Variants in DDX20 observed in about 807,000 individuals in gnomAD.
DDX20 encodes DEAD-box helicase 20, also known as probable ATP-dependent RNA helicase DDX20.
A neutral mutation model predicts 76.4 loss-of-function variants in DDX20; 61 were observed. The observed-to-expected ratio is 0.80, with a 90% confidence interval of 0.65 to 0.99. The LOEUF is 0.99. DDX20 is among the 50% of genes least tolerant of loss of function. DDX20 has a pLI of 0.00. For synonymous variants in DDX20, 357 were observed against 357.4 expected (o/e 1.00, Z 0.01); for missense variants, 976 against 996.8 (o/e 0.98, Z 0.28).
chr1:111,758,321 C>T (rs929338097), intron 2 of DDX20, among the ~76,000 whole-genome samples: 2 of 148,076 alleles, frequency 1.4e-5, no homozygotes, highest in African/African-American at 5.0e-5. Context: ...AGAGAAACTG[C>T]TATTAACAGT....
At chr1:111,756,375 G>T (rs766952008) in intron 1 of DDX20, 150 bp downstream of exon 1, 16 of 854,926 alleles carry the variant, frequency 1.9e-5, no homozygotes, top group Non-Finnish European at 2.7e-5. Flanking sequence ...GCTACGCTCA[G>T]TTAACTTATT....
At chr1:111,759,943 C>T (rs1400453827) in intron 3 of DDX20, among the ~76,000 whole-genome samples, 1 of 136,488 alleles carries the variant, frequency 7.3e-6, no homozygotes. Context: ...CACTGCACTC[C>T]AGCCTGGGTG....
At position 111,761,133 on chromosome 1, in the gene DDX20, A is replaced by G; in HGVS notation, c.962+8A>G. ...TTCTAATTTGCACAGCAGGTAATGT[A>G]ACTTAAAAGGTCATCTGGGGAACTT... On this transcript the variant is annotated splice_region_variant and intron_variant, in intron 6 of 10. Transcript: ENST00000369702. 6.2e-7 allele frequency: 1 copy of G among 1,612,820 alleles called. No individual in the cohort carries two copies. The highest frequency in any genetic ancestry group is 2.2e-5 in the East Asian group (1 of 44,818).
chr1:111,763,633 C>T (rs1174553247), intron 10 of DDX20, among the ~76,000 whole-genome samples: 2 of 151,454 alleles, frequency 1.3e-5, no homozygotes, highest in Admixed American at 6.6e-5. Flanking sequence ...TAGTTAGTGG[C>T]TTTGCAATTT....
At position 111,756,072 on chromosome 1, in the gene DDX20, C is replaced by T. The variant is rs769569522; in HGVS notation, c.148C>T (p.Arg50Trp). ...GACCGCTCAGGATCTCAGCAGCCCG[C>T]GGACCCGCACGGGGGATGTGCTGTT... ...LRTAQDLSSP[R>W]TRTGDVLLAE... Residue 50 changes from arginine (R) to tryptophan (W), a missense_variant, in exon 1 of 11, where the codon CGG (arginine) becomes TGG (tryptophan). This residue lies in a region of DDX20 where 343 missense variants were observed against 286.4 expected (regional missense o/e 1.20). Transcript: ENST00000369702. 3.7e-6 allele frequency: 6 copies of T among 1,606,346 alleles called. No individual in the cohort carries two copies. The African/African-American group carries it at 6.7e-5, about 18-fold the overall frequency.
At chr1:111,757,064 T>G (rs1399225347) in intron 2 of DDX20, among the ~76,000 whole-genome samples, 1 of 151,936 alleles carries the variant, frequency 6.6e-6, no homozygotes, top group African/African-American at 2.4e-5. Context: ...AGAGTTTGTT[T>G]TTTTTTTTTG....
intron 8 of DDX20, 141 bp from the exon 9 acceptor site, chr1:111,762,536 G>C (rs1438721482): frequency 8.2e-6 from 7 of 854,018 alleles, no homozygotes; most frequent in African/African-American, 5.1e-5. Flanking sequence ...TTAGTCATTA[G>C]GAATGAATTT....
Position 111,765,985 on chromosome 1 carries a change from C to T in DDX20, c.1561C>T (p.His521Tyr). 6.2e-7 allele frequency: 1 copy of T among 1,613,948 alleles called. No individual in the cohort carries two copies. Among genetic ancestry groups the T allele is most frequent in the South Asian group, 1.1e-5 (1 of 91,040 alleles). The change falls in exon 11 of 11, where the codon CAC (histidine) becomes TAC (tyrosine). Residue 521 changes from histidine (H) to tyrosine (Y), a missense_variant. Around this residue, in one of 3 missense-constraint regions of DDX20, gnomAD observed 630 missense variants for 693.7 expected, o/e 0.91. Coordinates refer to ENST00000369702, the MANE Select transcript of DDX20 (RefSeq NM_007204.5). Reference protein sequence around the residue: ...NTKQKLPVKSHSECGIIEKAT... With the variant: ...NTKQKLPVKSYSECGIIEKAT... ...CAAACAAAAGCTTCCTGTGAAAAGC[C>T]ACTCAGAATGTGGAATCATAGAAAA...
At chr1:111,762,598 C>A in intron 8 of DDX20, 79 bp from the exon 9 acceptor site, 1 of 1,252,156 alleles carries the variant, frequency 8.0e-7, no homozygotes, top group Non-Finnish European at 1.2e-6. Context: ...CTTGACTGTA[C>A]TGGAAGAATA....
In DDX20 at chr1:111,756,179, C is replaced by G; in HGVS notation, c.255C>G (p.Pro85=). Residue 85 remains proline (P), a synonymous_variant, in exon 1 of 11, where the codon CCC becomes CCG. Transcript: ENST00000369702. The stretch of plus-strand genomic sequence containing the variant: ...TGCGGGCGGCCGGCTTCGAGAGGCC[C>G]TCGCCGGTGCAGCTCAAGGCCATCC... The part of the protein sequence containing the change: ...EGLRAAGFER[P]SPVQLKAIPL... The G allele has an allele frequency of 1.3e-6, 2 of 1,532,624 alleles. No homozygotes were observed. Among genetic ancestry groups the G allele is most frequent in the Admixed American group, 3.9e-5 (2 of 51,636 alleles). The allele number at this position is 1,532,624 out of a possible 1,614,324, so 94.9% of individuals were successfully genotyped here.
At position 111,759,558 on chromosome 1, in the gene DDX20, T is replaced by A; in HGVS notation, c.555T>A (p.Val185=). The A allele has an allele frequency of 6.2e-7, 1 of 1,612,730 alleles. No homozygotes were observed. Among genetic ancestry groups the A allele is most frequent in the Non-Finnish European group, 8.5e-7 (1 of 1,179,590 alleles). ...KTRLKKCHIA[V]GSPGRIKQLI... is the part of the protein sequence containing the mutation. ...GACTTAAAAAGTGTCATATTGCTGT[T>A]GGATCTCCTGGTAAGATAACAATGC... is the stretch of plus-strand genomic sequence containing the variant. Residue 185 remains valine (V), a synonymous_variant, in exon 3 of 11, where the codon GTT becomes GTA. Coordinates refer to ENST00000369702, the MANE Select transcript of DDX20 (RefSeq NM_007204.5).
chr1:111,765,410 G>A (rs1663758847), intron 10 of DDX20, among the ~76,000 whole-genome samples: 2 of 152,240 alleles, frequency 1.3e-5, no homozygotes, highest in South Asian at 4.1e-4. Context: ...GAGATAAAGG[G>A]GAGGGGCTGT....
rs72692528 is a variant in DDX20 at position 111,766,815 on chromosome 1, G to T, written c.2391G>T (p.Trp797Cys). 72 of 1,614,094 alleles carry T rather than the reference G, an allele frequency of 4.5e-5. No homozygotes were observed. Among genetic ancestry groups the T allele is most frequent in the Non-Finnish European group, 5.8e-5 (68 of 1,179,972 alleles). Residue 797 changes from tryptophan (W) to cysteine (C), a missense_variant, in exon 11 of 11, where the codon TGG (tryptophan) becomes TGT (cysteine). Physicochemically the swap from Trp to Cys is radical, Grantham distance 215. Transcript: ENST00000369702. ...YYAAASHSYY[W>C]NAQRHPSWMA... ...CTGCCGCTTCTCATTCATATTATTG[G>T]AATGCTCAGAGACATCCAAGTTGGA...
intron 8 of DDX20, 79 bp downstream of exon 8, chr1:111,762,416 A>G (rs1030988393): frequency 1.0e-5 from 12 of 1,191,822 alleles, no homozygotes; most frequent in African/African-American, 3.1e-5. Flanking sequence ...TTCATATATT[A>G]TTTTATGTAG....
rs1405979495 is a variant in DDX20 at position 111,766,474 on chromosome 1, G to T, written c.2050G>T (p.Asp684Tyr). The T allele has an allele frequency of 6.2e-7, 1 of 1,614,066 alleles. No individual in the cohort carries two copies. Among genetic ancestry groups the T allele is most frequent in the African/African-American group, 1.3e-5 (1 of 74,912 alleles). ...LEGSSDNQLK[D>Y]SESTPVDDRI... is the part of the protein sequence containing the mutation. ...AGGCTCTTCTGATAATCAGCTGAAA[G>T]ACTCTGAATCTACGCCTGTGGATGA... The change falls in exon 11 of 11, where the codon GAC (aspartate) becomes TAC (tyrosine). Residue 684 changes from aspartate to tyrosine, a missense_variant. This residue lies in a region of DDX20 where 630 missense variants were observed against 693.7 expected (regional missense o/e 0.91). Coordinates refer to ENST00000369702, the MANE Select transcript of DDX20 (RefSeq NM_007204.5).
chr1:111,761,129 A>G lies in DDX20; in HGVS notation c.962+4A>G. The stretch of plus-strand genomic sequence containing the variant: ...TCTTTTCTAATTTGCACAGCAGGTA[A>G]TGTAACTTAAAAGGTCATCTGGGGA... On this transcript the variant is annotated splice_donor_region_variant and intron_variant, in intron 6 of 10. Coordinates refer to ENST00000369702, the MANE Select transcript of DDX20 (RefSeq NM_007204.5). 3.1e-6 allele frequency: 5 copies of G among 1,613,016 alleles called. No homozygotes were observed. Among genetic ancestry groups the G allele is most frequent in the Non-Finnish European group, 3.4e-6 (4 of 1,179,530 alleles).
intron 2 of DDX20, among the ~76,000 whole-genome samples, chr1:111,758,537 G>A (rs1427483646): frequency 6.6e-6 from 1 of 151,874 alleles, no homozygotes; most frequent in Non-Finnish European, 1.5e-5. Context: ...TCTGTCATGT[G>A]GGCCTTCTTT....
rs1335872124 is a variant in DDX20 at position 111,767,055 on chromosome 1, TG to T, written c.*157del. ...ACTGGGACACATCCATTTTTCAGATTGTTTTGATTTAGGCCAGGTATATTAT... is the reference window on the plus strand; with the variant it reads ...ACTGGGACACATCCATTTTTCAGATTTTTTGATTTAGGCCAGGTATATTAT... On this transcript the variant is annotated 3_prime_UTR_variant, in exon 11 of 11. Coordinates refer to ENST00000369702, the MANE Select transcript of DDX20 (RefSeq NM_007204.5). 2 of 542,370 alleles carry T rather than the reference TG, an allele frequency of 3.7e-6. No individual in the cohort carries two copies. Among genetic ancestry groups the T allele is most frequent in the Non-Finnish European group, 6.3e-6 (2 of 316,916 alleles). 33.6% of individuals were successfully genotyped at this position (542,370 alleles called of 1,614,324 possible). A position where few individuals can be genotyped will look rare whatever the true frequency, so the allele number is the denominator to read the frequency against.
At chr1:111,763,107 T>A in intron 10 of DDX20, 100 bp downstream of exon 10, 1 of 922,784 alleles carries the variant, frequency 1.1e-6, no homozygotes, top group Non-Finnish European at 1.7e-6. Flanking sequence ...ATGTGCTGGG[T>A]ACTGTTCCCA....
Sources: allele counts gnomAD v4.1 joint callset (sites outside exome capture counted in the v4.1 genomes callset), GRCh38; gene constraint gnomAD v4.1.1; regional missense constraint gnomAD v4.1.1; transcripts MANE v1.5; gene names NCBI Gene and HGNC (gene_info 2026-07-23, HGNC 2026-07-21).